Variants in STARD13 observed in about 807,000 individuals in gnomAD.
STARD13 encodes StAR related lipid transfer domain containing 13.
A neutral mutation model predicts 106.4 loss-of-function variants in STARD13; 62 were observed. That is an observed-to-expected ratio of 0.58 (90% CI 0.48 to 0.72). STARD13 has a LOEUF of 0.72. STARD13 is among the 30% of genes least tolerant of loss of function. The probability of loss-of-function intolerance (pLI) is 0.00; values close to 1 mark genes in which losing one functional copy is unlikely to be tolerated. For missense variants in STARD13, 1,387 were observed against 1,424.0 expected (o/e 0.97, Z 0.42); for synonymous variants, 565 against 553.0 (o/e 1.02, Z -0.31).
the STARD13 span, among the ~76,000 whole-genome samples, chr13:33,433,536 C>T: frequency 1.3e-5 from 2 of 152,158 alleles, no homozygotes; most frequent in African/African-American, 2.4e-5. Flanking sequence ...TGCTACGTCA[C>T]GTTCCGCCTT....
the STARD13 span, among the ~76,000 whole-genome samples, chr13:33,464,175 A>G: frequency 1.3e-5 from 2 of 151,874 alleles, no homozygotes; most frequent in African/African-American, 4.8e-5. Context: ...GGGGGCTGAG[A>G]GAGAATATTG....
At chr13:33,648,970 T>C in the STARD13 span, among the ~76,000 whole-genome samples, 3 of 151,758 alleles carry the variant, frequency 2.0e-5, no homozygotes, top group Non-Finnish European at 4.4e-5. Flanking sequence ...TTTTGTATTT[T>C]TTTTAGTAGA....
chr13:33,271,021 A>T (rs1891133770), intron 1 of STARD13, among the ~76,000 whole-genome samples: 1 of 152,096 alleles, frequency 6.6e-6, no homozygotes, highest in African/African-American at 2.4e-5. Flanking sequence ...GCCAGGGAGG[A>T]GGTCTGTTTA....
At chr13:33,525,174 A>G in the STARD13 span, among the ~76,000 whole-genome samples, 1 of 151,846 alleles carries the variant, frequency 6.6e-6, no homozygotes, top group Non-Finnish European at 1.5e-5. Flanking sequence ...GGCACTTGCC[A>G]TTATACCTGG....
intron 1 of STARD13, among the ~76,000 whole-genome samples, chr13:33,194,870 A>T (rs1594086371): frequency 6.6e-6 from 1 of 152,376 alleles, no homozygotes; most frequent in South Asian, 2.1e-4. Context: ...TGATTTATTT[A>T]CATTTTCCTG....
At chr13:33,440,354 G>C in the STARD13 span, among the ~76,000 whole-genome samples, 2 of 151,616 alleles carry the variant, frequency 1.3e-5, no homozygotes, top group Admixed American at 1.3e-4. Context: ...TTAATCCACT[G>C]CTCCAGGGCC....
chr13:33,192,673 C>T (rs546404736), intron 1 of STARD13, among the ~76,000 whole-genome samples: 27 of 152,090 alleles, frequency 1.8e-4, no homozygotes, highest in Non-Finnish European at 3.2e-4. Context: ...CCAAGGTGGG[C>T]GGATCACCTG....
At chr13:33,417,409 T>C in the STARD13 span, among the ~76,000 whole-genome samples, 1 of 152,210 alleles carries the variant, frequency 6.6e-6, no homozygotes, top group Non-Finnish European at 1.5e-5. Flanking sequence ...GAAATGTCTT[T>C]CTTGTGGCAA....
chr13:33,113,091 T>C, intron 8 of STARD13, 160 bp from the exon 9 acceptor site: 1 of 569,258 alleles, frequency 1.8e-6, no homozygotes, highest in Non-Finnish European at 3.1e-6. Flanking sequence ...AAGTCAGTAA[T>C]TGCTGAGGCC....
the STARD13 span, among the ~76,000 whole-genome samples, chr13:33,486,325 T>C: frequency 0.059 from 8,967 of 152,122 alleles, 355 homozygotes; most frequent in East Asian, 0.14. Context: ...AATGATACAT[T>C]TCAGGCATCC....
chr13:33,502,235 G>A, the STARD13 span, among the ~76,000 whole-genome samples: 29 of 152,250 alleles, frequency 1.9e-4, no homozygotes, highest in African/African-American at 5.5e-4. Context: ...TATTGATTTC[G>A]TATCTTGAGA....
the STARD13 span, among the ~76,000 whole-genome samples, chr13:33,410,276 G>A: frequency 3.9e-5 from 6 of 152,172 alleles, no homozygotes; most frequent in Admixed American, 1.3e-4. Flanking sequence ...TTGGTGTCAC[G>A]GAAGATGCTA....
intron 1 of STARD13, among the ~76,000 whole-genome samples, chr13:33,330,367 T>C (rs1254288664): frequency 6.6e-6 from 1 of 152,214 alleles, no homozygotes; most frequent in African/African-American, 2.4e-5. Flanking sequence ...CCTTTTCACA[T>C]GTTTATTGGC....
chr13:33,259,440 T>C (rs145436242), intron 1 of STARD13, among the ~76,000 whole-genome samples: 8 of 152,340 alleles, frequency 5.3e-5, no homozygotes, highest in Non-Finnish European at 1.2e-4. Flanking sequence ...GCCTCCACTC[T>C]TAAACTTCAC....
chr13:33,519,293 TTCTC>T, the STARD13 span, among the ~76,000 whole-genome samples: 120 of 119,634 alleles, frequency 1.0e-3, no homozygotes, highest in African/African-American at 4.3e-3. Flanking sequence ...CTTTCTTTCT[TTCTC>T]TCTCTCTTTC....
chr13:33,387,381 A>G, the STARD13 span, among the ~76,000 whole-genome samples: 1 of 152,188 alleles, frequency 6.6e-6, no homozygotes, highest in East Asian at 1.9e-4. Flanking sequence ...TCATGGGGTT[A>G]TAATGAACAG....
At chr13:33,426,569 T>C in the STARD13 span, among the ~76,000 whole-genome samples, 1 of 152,220 alleles carries the variant, frequency 6.6e-6, no homozygotes, top group African/African-American at 2.4e-5. Flanking sequence ...AGCATTGGGC[T>C]ATTTCATTAT....
At chr13:33,425,095 A>G in the STARD13 span, among the ~76,000 whole-genome samples, 1 of 152,244 alleles carries the variant, frequency 6.6e-6, no homozygotes, top group African/African-American at 2.4e-5. Flanking sequence ...GAGAAGATGA[A>G]CAAAAACTGT....
chr13:33,283,472 T>A (rs1355852076), intron 1 of STARD13, among the ~76,000 whole-genome samples: 1 of 152,254 alleles, frequency 6.6e-6, no homozygotes, highest in African/African-American at 2.4e-5. Context: ...ATGCTGTAAC[T>A]GTTTAATCCA....
Sources: allele counts gnomAD v4.1 joint callset (sites outside exome capture counted in the v4.1 genomes callset), GRCh38; gene constraint gnomAD v4.1.1; transcripts MANE v1.5; gene names NCBI Gene and HGNC (gene_info 2026-07-23, HGNC 2026-07-21).